COMMD10: variants seen among roughly 807,000 people sequenced by gnomAD.
COMMD10 encodes the protein COMM domain containing 10.
In COMMD10, 33 loss-of-function variants were observed where a neutral mutation model predicts 28.9. The observed-to-expected ratio is 1.14, with a 90% CI of 0.87 to 1.53. COMMD10 has a LOEUF of 1.53. Ranked by LOEUF, COMMD10 falls within the 40% of genes most tolerant of loss-of-function variation. COMMD10 has a pLI of 0.00. For synonymous variants in COMMD10, 110 were observed against 81.7 expected, an observed-to-expected ratio of 1.35 and a Z score of -1.87; for missense variants, 310 against 233.4, an observed-to-expected ratio of 1.33 and a Z score of -2.14.
intron 5 of COMMD10, among the ~76,000 whole-genome samples, chr5:116,257,174 G>A (rs1750311383): frequency 6.7e-6 from 1 of 150,218 alleles, no homozygotes; most frequent in Non-Finnish European, 1.5e-5. Flanking sequence ...CTGTGTTCCT[G>A]CATTTTGACA....
At chr5:116,120,875 A>C (rs1437087085) in intron 4 of COMMD10, among the ~76,000 whole-genome samples, 2 of 151,936 alleles carry the variant, frequency 1.3e-5, no homozygotes, top group Non-Finnish European at 2.9e-5. Context: ...AAACCTAATT[A>C]ATGTTTATCT....
intron 5 of COMMD10, among the ~76,000 whole-genome samples, chr5:116,199,813 C>T (rs577486234): frequency 6.6e-6 from 1 of 152,244 alleles, no homozygotes; most frequent in Non-Finnish European, 1.5e-5. Flanking sequence ...GGTTGGTCTT[C>T]AACTCCTGGG....
chr5:116,109,803 T>G (rs1343143852), intron 4 of COMMD10, among the ~76,000 whole-genome samples: 1 of 152,230 alleles, frequency 6.6e-6, no homozygotes, highest in Admixed American at 6.5e-5. Flanking sequence ...TTCCTAGATA[T>G]AAGTTATATC....
intron 5 of COMMD10, among the ~76,000 whole-genome samples, chr5:116,214,466 G>A (rs1450398572): frequency 6.6e-6 from 1 of 152,126 alleles, no homozygotes; most frequent in African/African-American, 2.4e-5. Context: ...TTCATTGGAT[G>A]TTTAATTGTT....
intron 5 of COMMD10, among the ~76,000 whole-genome samples, chr5:116,168,534 T>A (rs1160986778): frequency 1.3e-5 from 2 of 152,008 alleles, no homozygotes; most frequent in African/African-American, 4.8e-5. Context: ...TATATATTCT[T>A]CTCAGCACTG....
intron 5 of COMMD10, among the ~76,000 whole-genome samples, chr5:116,283,059 G>T (rs908536871): frequency 6.6e-6 from 1 of 151,796 alleles, no homozygotes. Context: ...ATGTTATCCT[G>T]CTTTATTCTC....
intron 4 of COMMD10, among the ~76,000 whole-genome samples, chr5:116,112,550 G>A (rs80282932): frequency 2.0e-5 from 3 of 152,072 alleles, no homozygotes; most frequent in East Asian, 1.9e-4. Flanking sequence ...ATAGGTGCGC[G>A]CCACCATGCA....
chr5:116,258,567 A>G (rs1267764874), intron 5 of COMMD10, among the ~76,000 whole-genome samples: 1 of 151,676 alleles, frequency 6.6e-6, no homozygotes, highest in Non-Finnish European at 1.5e-5. Context: ...TTGATTGCTG[A>G]TTAGACTTGA....
intron 5 of COMMD10, among the ~76,000 whole-genome samples, chr5:116,162,924 G>A (rs1752965871): frequency 6.6e-6 from 1 of 152,170 alleles, no homozygotes; most frequent in African/African-American, 2.4e-5. Flanking sequence ...TGACAAAAAT[G>A]GAGCAACTCT....
chr5:116,190,549 C>T (rs560607190), intron 5 of COMMD10, among the ~76,000 whole-genome samples: 1 of 152,216 alleles, frequency 6.6e-6, no homozygotes, highest in South Asian at 2.1e-4. Context: ...GCTTTTTTGC[C>T]TATGCCAGTT....
chr5:116,241,513 GAGA>G (rs1749806258), intron 5 of COMMD10, among the ~76,000 whole-genome samples: 1 of 152,012 alleles, frequency 6.6e-6, no homozygotes, highest in African/African-American at 2.4e-5. Flanking sequence ...CTTTTATTTA[GAGA>G]AGAATAAAAT....
At chr5:116,097,950 G>A (rs1163436554) in intron 4 of COMMD10, among the ~76,000 whole-genome samples, 1 of 152,098 alleles carries the variant, frequency 6.6e-6, no homozygotes, top group Non-Finnish European at 1.5e-5. Context: ...ACCTCCCACC[G>A]GGCCCACCTC....
At chr5:116,100,709 C>T (rs1266383471) in intron 4 of COMMD10, among the ~76,000 whole-genome samples, 2 of 151,444 alleles carry the variant, frequency 1.3e-5, no homozygotes, top group South Asian at 2.1e-4. Flanking sequence ...TAGCTTTTTG[C>T]AGAATATGAT....
chr5:116,253,461 A>C (rs1185466123), intron 5 of COMMD10, among the ~76,000 whole-genome samples: 2 of 150,768 alleles, frequency 1.3e-5, no homozygotes, highest in Admixed American at 1.3e-4. Flanking sequence ...ATTATTTTGA[A>C]ATATGTCCCA....
intron 5 of COMMD10, among the ~76,000 whole-genome samples, chr5:116,153,947 G>T (rs1290070139): frequency 6.6e-6 from 1 of 151,952 alleles, no homozygotes; most frequent in Non-Finnish European, 1.5e-5. Context: ...GAATACTAGA[G>T]AATTAGAGAA....
intron 5 of COMMD10, among the ~76,000 whole-genome samples, chr5:116,223,359 CA>C (rs11342039): frequency 0.37 from 54,849 of 150,020 alleles, 12,090 homozygotes; most frequent in African/African-American, 0.63. Context: ...ATATGTGGAA[CA>C]AAAAAAAATA....
intron 5 of COMMD10, among the ~76,000 whole-genome samples, chr5:116,278,727 T>G (rs1750984135): frequency 1.3e-5 from 2 of 151,880 alleles, no homozygotes; most frequent in Admixed American, 6.6e-5. Flanking sequence ...TAGCTAAACA[T>G]GTATAAAACA....
At chr5:116,284,943 C>T (rs1751178398) in intron 5 of COMMD10, among the ~76,000 whole-genome samples, 1 of 151,880 alleles carries the variant, frequency 6.6e-6, no homozygotes, top group Admixed American at 6.6e-5. Flanking sequence ...GGTTTGTGTT[C>T]AAACTGAAGA....
At chr5:116,174,320 G>C (rs143364875) in intron 5 of COMMD10, among the ~76,000 whole-genome samples, 8 of 152,244 alleles carry the variant, frequency 5.3e-5, no homozygotes, top group African/African-American at 1.9e-4. Flanking sequence ...GAGAGGTTCA[G>C]ATGATAAGGT....
Sources: allele counts gnomAD v4.1 joint callset (sites outside exome capture counted in the v4.1 genomes callset), GRCh38; gene constraint gnomAD v4.1.1; transcripts MANE v1.5; gene names NCBI Gene and HGNC (gene_info 2026-07-23, HGNC 2026-07-21).